Variants in KCND2 observed in about 807,000 individuals in gnomAD.
The protein encoded by KCND2 is A-type voltage-gated potassium channel KCND2.
A neutral mutation model predicts 54.4 loss-of-function variants in KCND2; 16 were observed. The ratio of observed to expected loss-of-function variants is 0.29; its 90% CI spans 0.20 to 0.45. The LOEUF is 0.45. Among genes scored for constraint, KCND2 ranks in the 20% least tolerant of loss-of-function variants. KCND2 has a pLI of 1.00. For missense variants in KCND2, 486 were observed against 824.2 expected (o/e 0.59, Z 5.02); for synonymous variants, 317 against 310.7 (o/e 1.02, Z -0.21).
intron 1 of KCND2, among the ~76,000 whole-genome samples, chr7:120,327,759 T>A (rs1189888144): frequency 6.6e-6 from 1 of 152,116 alleles, no homozygotes; most frequent in East Asian, 1.9e-4. Flanking sequence ...GTTGCCTTTT[T>A]TTTTTTAGAA....
At chr7:120,360,791 T>G (rs530850317) in intron 1 of KCND2, among the ~76,000 whole-genome samples, 1 of 152,216 alleles carries the variant, frequency 6.6e-6, no homozygotes, top group South Asian at 2.1e-4. Context: ...ACTAAAACTT[T>G]AGATATAAGA....
chr7:120,714,323 A>T (rs1297950724), intron 1 of KCND2, among the ~76,000 whole-genome samples: 1 of 150,680 alleles, frequency 6.6e-6, no homozygotes, highest in Non-Finnish European at 1.5e-5. Context: ...AAAAAAAAAT[A>T]AATTACTGCT....
At chr7:120,401,736 A>G (rs1320970826) in intron 1 of KCND2, among the ~76,000 whole-genome samples, 2 of 152,140 alleles carry the variant, frequency 1.3e-5, no homozygotes, top group Non-Finnish European at 2.9e-5. Context: ...GTCCAAAATT[A>G]TCTTGTTGTA....
At chr7:120,331,895 A>T (rs891675642) in intron 1 of KCND2, among the ~76,000 whole-genome samples, 1 of 152,200 alleles carries the variant, frequency 6.6e-6, no homozygotes, top group Middle Eastern at 3.4e-3. Flanking sequence ...ATTTCTAGTC[A>T]TAGGCTCCCC....
intron 1 of KCND2, among the ~76,000 whole-genome samples, chr7:120,447,510 A>T (rs1190827589): frequency 1.3e-5 from 2 of 152,192 alleles, no homozygotes; most frequent in Non-Finnish European, 2.9e-5. Context: ...AAATTATAGA[A>T]GAAATGACTC....
chr7:120,342,441 T>A (rs1228984561), intron 1 of KCND2, among the ~76,000 whole-genome samples: 1 of 152,178 alleles, frequency 6.6e-6, no homozygotes, highest in Non-Finnish European at 1.5e-5. Flanking sequence ...TTTCTATTTC[T>A]ATCACCAACG....
chr7:120,630,166 T>A (rs1405527735), intron 1 of KCND2, among the ~76,000 whole-genome samples: 1 of 151,888 alleles, frequency 6.6e-6, no homozygotes, highest in Non-Finnish European at 1.5e-5. Flanking sequence ...TGTAGATAAG[T>A]AGTTAGCAAG....
intron 1 of KCND2, among the ~76,000 whole-genome samples, chr7:120,456,948 T>C (rs893807185): frequency 3.9e-5 from 6 of 152,204 alleles, no homozygotes; most frequent in Non-Finnish European, 5.9e-5. Flanking sequence ...CTCTGAAATC[T>C]AGATGGAGGT....
At chr7:120,724,933 G>C (rs1389277470) in intron 1 of KCND2, among the ~76,000 whole-genome samples, 11 of 152,068 alleles carry the variant, frequency 7.2e-5, no homozygotes, top group African/African-American at 2.4e-4. Flanking sequence ...TTCTGTAAAG[G>C]AGACTATATA....
chr7:120,742,733 C>G lies in KCND2; in HGVS notation c.1467+131C>G, dbSNP rs974479107. 1.1e-5 allele frequency: 8 copies of G among 736,346 alleles called. 1 individual carries two copies. The East Asian group carries it at 2.1e-4, about 19-fold the overall frequency. The allele number at this position is 736,346 out of a possible 1,614,324, so 45.6% of individuals were successfully genotyped here. A position where few individuals can be genotyped will look rare whatever the true frequency, so the allele number is the denominator to read the frequency against. On this transcript the variant is annotated intron_variant, in intron 4 of 5. Coordinates refer to ENST00000331113, the MANE Select transcript of KCND2 (RefSeq NM_012281.3). ...GAAAACATGCTAAAAAACAAACAAA[C>G]CAAAACCCCACAATATTTGAAATTA...
chr7:120,367,426 G>A lies in KCND2; in HGVS notation c.1115+91679G>A, dbSNP rs117994880. Among the ~76,000 whole-genome samples the A allele has an allele frequency of 8.5e-3, 1,293 of 152,034 alleles. 13 individuals are homozygous for A. Among genetic ancestry groups the A allele is most frequent in the Middle Eastern group, 0.024 (7 of 294 alleles). On this transcript the variant is annotated intron_variant, in intron 1 of 5. Transcript: ENST00000331113. ...TGGTTTAGAACCAGGAGATAATTTTGAGAACAGTATTCCTTTTCCCTTATT... is the reference window on the plus strand; with the variant it reads ...TGGTTTAGAACCAGGAGATAATTTTAAGAACAGTATTCCTTTTCCCTTATT...
chr7:120,747,915 C>A lies in KCND2; in HGVS notation c.*57C>A. On this transcript the variant is annotated 3_prime_UTR_variant, in exon 6 of 6. Transcript: ENST00000331113. ...GCCCTGGCTGTGAAAAGAATCTCAACATAGAAGAAAGAAGAAACAATAAAT... is the reference window on the plus strand; with the variant it reads ...GCCCTGGCTGTGAAAAGAATCTCAAAATAGAAGAAAGAAGAAACAATAAAT... The A allele has an allele frequency of 7.6e-7, 1 of 1,309,100 alleles. No homozygotes were observed. Among genetic ancestry groups the A allele is most frequent in the Non-Finnish European group, 1.1e-6 (1 of 915,628 alleles). 81.1% of individuals were successfully genotyped at this position (1,309,100 alleles called of 1,614,324 possible). A position where few individuals can be genotyped will look rare whatever the true frequency, so the allele number is the denominator to read the frequency against.
rs193057251 is a variant in KCND2 at position 120,544,429 on chromosome 7, T to A, written c.1116-188474T>A. Among the ~76,000 whole-genome samples the A allele has an allele frequency of 1.2e-4, 18 of 152,102 alleles. No individual in the cohort carries two copies. In the East Asian group the frequency reaches 3.1e-3, roughly 26 times the overall value. On this transcript the variant is annotated intron_variant, in intron 1 of 5. Transcript: ENST00000331113. ...CCTAAAATGGAGTTATAAGAAGTACTATCATCACTAAAATATTTATTTTAT... is the reference window on the plus strand; with the variant it reads ...CCTAAAATGGAGTTATAAGAAGTACAATCATCACTAAAATATTTATTTTAT...
chr7:120,423,908 T>G (rs1801663330), intron 1 of KCND2, among the ~76,000 whole-genome samples: 1 of 152,198 alleles, frequency 6.6e-6, no homozygotes, highest in African/African-American at 2.4e-5. Context: ...GATATAAAAC[T>G]TTTGAATAGA....
intron 1 of KCND2, among the ~76,000 whole-genome samples, chr7:120,280,169 T>G (rs1350092982): frequency 6.6e-6 from 1 of 152,072 alleles, no homozygotes; most frequent in Non-Finnish European, 1.5e-5. Flanking sequence ...GTAAAGTTCT[T>G]TATAGAAAAT....
At chr7:120,678,343 T>TTTTATATATA (rs10632075) in intron 1 of KCND2, among the ~76,000 whole-genome samples, 1 of 120,274 alleles carries the variant, frequency 8.3e-6, no homozygotes, top group Non-Finnish European at 1.7e-5. Flanking sequence ...GTATGATTAT[T>TTTTATATATA]TATATATATA....
rs1460504861 is a variant in KCND2 at position 120,274,333 on chromosome 7, A to G, written c.-300A>G. 1.9e-6 allele frequency: 1 copy of G among 526,968 alleles called. No homozygotes were observed. The highest frequency in any genetic ancestry group is 3.4e-6 in the Non-Finnish European group (1 of 293,888). 32.6% of individuals were successfully genotyped at this position (526,968 alleles called of 1,614,324 possible). A position where few individuals can be genotyped will look rare whatever the true frequency, so the allele number is the denominator to read the frequency against. ...AAGAAACGGCTGCACCTGTGTGCTT[A>G]TTTGTGCCAGAGGGTGGCCTAGCCC... On this transcript the variant is annotated 5_prime_UTR_variant, in exon 1 of 6. Coordinates refer to ENST00000331113, the MANE Select transcript of KCND2 (RefSeq NM_012281.3).
chr7:120,474,096 GCTT>G (rs2116266557), intron 1 of KCND2, among the ~76,000 whole-genome samples: 1 of 152,274 alleles, frequency 6.6e-6, no homozygotes, highest in South Asian at 2.1e-4. Flanking sequence ...GTCTTGCTGG[GCTT>G]CTTTGTCAGC....
rs535106818 is a variant in KCND2, at chr7:120,500,729, T to TTTTGCTTCATTTGGTTGATCAAC, written c.1115+224990_1115+225012dup. 1.1e-4 allele frequency among the ~76,000 whole-genome samples: 17 copies of TTTTGCTTCATTTGGTTGATCAAC among 151,894 alleles called. No individual in the cohort carries two copies. In the South Asian group the frequency reaches 3.5e-3, roughly 32 times the overall value. On this transcript the variant is annotated intron_variant, in intron 1 of 5. Coordinates refer to ENST00000331113, the MANE Select transcript of KCND2 (RefSeq NM_012281.3). ...TTTCACCAGTTAGATAACTTGCTAT[T>TTTTGCTTCATTTGGTTGATCAAC]TTTGCTTCATTTGGTTGATCAACTT...
Sources: gnomAD v4.1 joint callset for allele counts (sites outside exome capture counted in the v4.1 genomes callset) on GRCh38, gnomAD v4.1.1 for gene constraint, MANE v1.5 for transcripts, NCBI Gene and HGNC (gene_info 2026-07-23, HGNC 2026-07-21) for gene names.